The following HIVEP3 variants were observed in gnomAD, a reference collection of about 807,000 sequenced individuals.
HIVEP3 encodes HIVEP zinc finger 3, also known as transcription factor HIVEP3.
A neutral mutation model predicts 152.8 loss-of-function variants in HIVEP3; 49 were observed. The ratio of observed to expected loss-of-function variants is 0.32; its 90% CI spans 0.26 to 0.41. The LOEUF is 0.41. HIVEP3 is among the 10% of genes least tolerant of loss of function. HIVEP3 has a pLI of 1.00. For synonymous variants in HIVEP3, 1,269 were observed against 1,289.0 expected (o/e 0.98, Z 0.33); for missense variants, 2,790 against 3,103.3 (o/e 0.90, Z 2.40).
intron 3 of HIVEP3, among the ~76,000 whole-genome samples, chr1:41,587,522 G>A (rs919334029): frequency 1.3e-5 from 2 of 152,188 alleles, no homozygotes. Flanking sequence ...AGGCAAACCA[G>A]GACAAAATGG....
chr1:41,534,193 G>T (rs931578510), intron 5 of HIVEP3, among the ~76,000 whole-genome samples: 1 of 152,032 alleles, frequency 6.6e-6, no homozygotes, highest in Non-Finnish European at 1.5e-5. Context: ...AATCCATCCA[G>T]GCTTACCACT....
intron 1 of HIVEP3, among the ~76,000 whole-genome samples, chr1:41,815,752 TG>T (rs963148968): frequency 4.8e-5 from 6 of 126,184 alleles, no homozygotes; most frequent in African/African-American, 1.1e-4. Context: ...GCTTTTTTAT[TG>T]TTTTTTTTTT....
upstream of HIVEP3, among the ~76,000 whole-genome samples, chr1:41,920,184 G>GC (rs1410716227): frequency 1.3e-5 from 2 of 152,068 alleles, no homozygotes; most frequent in African/African-American, 2.4e-5. Context: ...ATGTGTCATC[G>GC]CCCAAGCAAG....
At chr1:41,621,128 CA>C (rs1645041160) in intron 3 of HIVEP3, among the ~76,000 whole-genome samples, 1 of 152,242 alleles carries the variant, frequency 6.6e-6, no homozygotes, top group African/African-American at 2.4e-5. Context: ...GGAAAGGCAT[CA>C]CCCGGCTTCC....
intron 1 of HIVEP3, among the ~76,000 whole-genome samples, chr1:41,796,323 G>C (rs1649980099): frequency 1.3e-5 from 2 of 152,334 alleles, no homozygotes; most frequent in Middle Eastern, 6.8e-3. Flanking sequence ...GGGACCACAC[G>C]ACAGCCCCAG....
At chr1:41,953,584 T>C (rs1645122400) in intron 1 of HIVEP3, among the ~76,000 whole-genome samples, 1 of 152,220 alleles carries the variant, frequency 6.6e-6, no homozygotes. Context: ...CTTGAATTTG[T>C]AGCCCCACCC....
intron 1 of HIVEP3, among the ~76,000 whole-genome samples, chr1:41,973,971 G>A (rs1178378996): frequency 6.6e-6 from 1 of 152,216 alleles, no homozygotes; most frequent in East Asian, 1.9e-4. Flanking sequence ...GATTATGCGT[G>A]CAGGACAGAG....
chr1:41,934,856 T>C (rs1198945774), intron 1 of HIVEP3, among the ~76,000 whole-genome samples: 1 of 152,140 alleles, frequency 6.6e-6, no homozygotes, highest in African/African-American at 2.4e-5. Flanking sequence ...CAGCCTGCAA[T>C]TGCCTGGCAA....
intron 1 of HIVEP3, among the ~76,000 whole-genome samples, chr1:41,932,044 A>G (rs903642310): frequency 1.3e-5 from 2 of 151,838 alleles, no homozygotes; most frequent in Non-Finnish European, 2.9e-5. Flanking sequence ...GAAAGTGTTT[A>G]GTTTTTCACC....
chr1:41,604,595 T>C (rs1644791498), intron 3 of HIVEP3, among the ~76,000 whole-genome samples: 1 of 152,150 alleles, frequency 6.6e-6, no homozygotes, highest in African/African-American at 2.4e-5. Flanking sequence ...CTGGTACCTC[T>C]CACCATGTAA....
intron 1 of HIVEP3, among the ~76,000 whole-genome samples, chr1:42,006,482 ATATT>A (rs1645460002): frequency 6.6e-6 from 1 of 152,156 alleles, no homozygotes; most frequent in Non-Finnish European, 1.5e-5. Flanking sequence ...AATTACTAAA[ATATT>A]TATTAGTTCA....
chr1:41,620,503 C>T (rs907721942), intron 3 of HIVEP3, among the ~76,000 whole-genome samples: 2 of 152,122 alleles, frequency 1.3e-5, no homozygotes, highest in African/African-American at 4.8e-5. Flanking sequence ...GCTTTTTCTT[C>T]CTAGATGCCT....
intron 1 of HIVEP3, among the ~76,000 whole-genome samples, chr1:41,995,085 C>T (rs1340835863): frequency 6.6e-6 from 1 of 151,706 alleles, no homozygotes; most frequent in Admixed American, 6.6e-5. Context: ...AGAGAATGGG[C>T]AGAAGAAATA....
chr1:41,540,839 C>G (rs1404133588), intron 5 of HIVEP3, among the ~76,000 whole-genome samples: 2 of 152,120 alleles, frequency 1.3e-5, no homozygotes, highest in East Asian at 1.9e-4. Flanking sequence ...AGTATTCAAG[C>G]CCAGATTAAA....
chr1:41,604,658 A>C (rs981516931), intron 3 of HIVEP3, among the ~76,000 whole-genome samples: 1 of 152,224 alleles, frequency 6.6e-6, no homozygotes, highest in Non-Finnish European at 1.5e-5. Context: ...CCCTGATCTT[A>C]GACTTCCCAG....
chr1:41,996,554 T>C (rs942389571), intron 1 of HIVEP3, among the ~76,000 whole-genome samples: 4 of 152,034 alleles, frequency 2.6e-5, no homozygotes, highest in African/African-American at 9.7e-5. Flanking sequence ...CATGCACAGT[T>C]TGGGTATCTC....
At chr1:41,551,069 A>C (rs1643888713) in intron 5 of HIVEP3, among the ~76,000 whole-genome samples, 1 of 152,174 alleles carries the variant, frequency 6.6e-6, no homozygotes, top group South Asian at 2.1e-4. Context: ...TAGTTTATTG[A>C]GAGTTTTTAG....
At chr1:41,651,373 T>C (rs1645546245) in intron 2 of HIVEP3, among the ~76,000 whole-genome samples, 1 of 143,820 alleles carries the variant, frequency 7.0e-6, no homozygotes, top group Non-Finnish European at 1.5e-5. Context: ...ATAGCACCAT[T>C]GCACTCCGGC....
At chr1:41,697,014 GGC>G (rs1646286862) in intron 2 of HIVEP3, among the ~76,000 whole-genome samples, 1 of 152,186 alleles carries the variant, frequency 6.6e-6, no homozygotes, top group Admixed American at 6.5e-5. Flanking sequence ...TTATACGGCT[GGC>G]TGGTATTAAA....
Sources: allele counts gnomAD v4.1 joint callset (sites outside exome capture counted in the v4.1 genomes callset), GRCh38; gene constraint gnomAD v4.1.1; transcripts MANE v1.5; gene names NCBI Gene and HGNC (gene_info 2026-07-23, HGNC 2026-07-21).